The following ARHGAP20 variants were observed in gnomAD, a reference collection of about 807,000 sequenced individuals.
ARHGAP20 encodes the protein rho GTPase-activating protein 20.
In ARHGAP20, 34 loss-of-function variants were observed where a neutral mutation model predicts 73.7. The ratio of observed to expected loss-of-function variants is 0.46; its 90% CI spans 0.35 to 0.61. ARHGAP20 has a LOEUF of 0.61. Among genes scored for constraint, ARHGAP20 ranks in the 20% least tolerant of loss-of-function variants. The pLI is 0.00. For missense variants in ARHGAP20, 1,314 were observed against 1,420.9 expected (o/e 0.92, Z 1.21); for synonymous variants, 523 against 518.2 (o/e 1.01, Z -0.13).
At chr11:110,682,087 G>T (rs1048477283) in intron 2 of ARHGAP20, among the ~76,000 whole-genome samples, 14 of 152,128 alleles carry the variant, frequency 9.2e-5, no homozygotes, top group Non-Finnish European at 1.5e-4. Flanking sequence ...CCTGCTTTAG[G>T]TCAGACCTAG....
intron 2 of ARHGAP20, among the ~76,000 whole-genome samples, chr11:110,669,207 T>C (rs1491002141): frequency 2.0e-5 from 3 of 152,196 alleles, no homozygotes; most frequent in Non-Finnish European, 2.9e-5. Flanking sequence ...TCACATGCCA[T>C]ATGCCCAGCA....
chr11:110,634,854 G>A (rs1455705823), intron 2 of ARHGAP20, among the ~76,000 whole-genome samples: 1 of 152,080 alleles, frequency 6.6e-6, no homozygotes, highest in East Asian at 1.9e-4. Context: ...GTGTAGTTAA[G>A]CATATTTGAG....
chr11:110,579,724 G>T lies in ARHGAP20; in HGVS notation c.3222C>A (p.Pro1074=). The T allele has an allele frequency of 6.2e-6, 10 of 1,614,164 alleles. No individual in the cohort carries two copies. Among genetic ancestry groups the T allele is most frequent in the Non-Finnish European group, 8.5e-6 (10 of 1,180,024 alleles). The change falls in exon 15 of 15, where the codon CCC becomes CCA. Residue 1074 remains proline, a synonymous_variant. Transcript: ENST00000683387. ...IASPKGPLEP[P]PHASGVPEAN... is the part of the protein sequence containing the mutation. ...CTTCTGGAACACCAGAAGCATGTGG[G>T]GGTGGCTCTAAGGGTCCTTTTGGAG... is the stretch of plus-strand genomic sequence containing the variant.
chr11:110,639,381 CT>C (rs113290611), intron 2 of ARHGAP20, among the ~76,000 whole-genome samples: 4,730 of 142,738 alleles, frequency 0.033, 72 homozygotes, highest in African/African-American at 0.054. Flanking sequence ...AGCTAGTGTG[CT>C]TTTTTTTTTT....
chr11:110,616,616 T>G (rs1204649953), intron 4 of ARHGAP20, among the ~76,000 whole-genome samples: 1 of 152,152 alleles, frequency 6.6e-6, no homozygotes, highest in Non-Finnish European at 1.5e-5. Context: ...TCACTAACTT[T>G]ATTGTTTAGC....
intron 2 of ARHGAP20, among the ~76,000 whole-genome samples, chr11:110,661,904 C>T (rs538977864): frequency 1.3e-5 from 2 of 151,312 alleles, no homozygotes; most frequent in South Asian, 4.2e-4. Flanking sequence ...GATATAAGCA[C>T]AAAGTTTTTT....
In ARHGAP20 at chr11:110,592,166, A is replaced by G; in HGVS notation, c.965-11T>C. The G allele has an allele frequency of 3.1e-6, 5 of 1,602,212 alleles. No homozygotes were observed. Among genetic ancestry groups the G allele is most frequent in the Non-Finnish European group, 4.3e-6 (5 of 1,172,352 alleles). On this transcript the variant is annotated splice_polypyrimidine_tract_variant and intron_variant, in intron 9 of 14. Coordinates refer to ENST00000683387, the MANE Select transcript of ARHGAP20 (RefSeq NM_001384657.1). ...TCTTATGACCTGAATCTAAGGAAGAAGTGAGCTTATTAGAAAAATGAGTTT... is the reference window on the plus strand; with the variant it reads ...TCTTATGACCTGAATCTAAGGAAGAGGTGAGCTTATTAGAAAAATGAGTTT...
intron 2 of ARHGAP20, among the ~76,000 whole-genome samples, chr11:110,657,258 T>G (rs949441082): frequency 6.6e-6 from 1 of 152,188 alleles, no homozygotes; most frequent in African/African-American, 2.4e-5. Context: ...TCTAAATTTC[T>G]GATTCTGAGA....
At chr11:110,649,007 T>C (rs940240458) in intron 2 of ARHGAP20, among the ~76,000 whole-genome samples, 4 of 152,110 alleles carry the variant, frequency 2.6e-5, no homozygotes, top group African/African-American at 9.7e-5. Context: ...AAGTGTTTCA[T>C]GCAAGCCTGT....
rs869156175 is a variant in ARHGAP20 at position 110,649,201 on chromosome 11, CTTTTTTTTTTTTT to C, written c.189-18422_189-18410del. Among the ~76,000 whole-genome samples the C allele has an allele frequency of 4.6e-5, 4 of 87,124 alleles. No individual in the cohort carries two copies. The South Asian group carries it at 1.1e-3, about 25-fold the overall frequency. 57.2% of individuals were successfully genotyped at this position (87,124 alleles called of 152,430 possible). A position where few individuals can be genotyped will look rare whatever the true frequency, so the allele number is the denominator to read the frequency against. On this transcript the variant is annotated intron_variant, in intron 2 of 14. Transcript: ENST00000683387. ...ATTGTTTGTTTTCCAATTATTAAACCTTTTTTTTTTTTTTTTTTTTTTTGGAGGGGGTCTTGCT... is the reference window on the plus strand; with the variant it reads ...ATTGTTTGTTTTCCAATTATTAAACCTTTTTTTTTTGGAGGGGGTCTTGCT...
intron 1 of ARHGAP20, among the ~76,000 whole-genome samples, chr11:110,694,715 A>T (rs1197890210): frequency 5.3e-5 from 8 of 151,556 alleles, no homozygotes; most frequent in Non-Finnish European, 8.9e-5. Flanking sequence ...CAGGGGCTAT[A>T]TCTTCTTCCC....
chr11:110,693,970 T>C (rs1950289889), intron 1 of ARHGAP20, among the ~76,000 whole-genome samples: 1 of 151,894 alleles, frequency 6.6e-6, no homozygotes, highest in Non-Finnish European at 1.5e-5. Context: ...TCATAAATAG[T>C]GGATACCACT....
At chr11:110,589,005 G>A (rs1947749521) in intron 11 of ARHGAP20, among the ~76,000 whole-genome samples, 1 of 152,014 alleles carries the variant, frequency 6.6e-6, no homozygotes, top group South Asian at 2.1e-4. Context: ...CCAGGAGGTG[G>A]AGCTTGCAGT....
chr11:110,637,242 T>C (rs1948987284), intron 2 of ARHGAP20, among the ~76,000 whole-genome samples: 1 of 152,048 alleles, frequency 6.6e-6, no homozygotes. Context: ...GAAAATAAAA[T>C]TCAGAATACT....
chr11:110,663,931 C>T (rs1949668218), intron 2 of ARHGAP20, among the ~76,000 whole-genome samples: 1 of 152,114 alleles, frequency 6.6e-6, no homozygotes, highest in African/African-American at 2.4e-5. Context: ...CCCAAGAATG[C>T]AGTCATTTTA....
At chr11:110,699,947 TAACTG>T (rs1048357728) in intron 1 of ARHGAP20, among the ~76,000 whole-genome samples, 4 of 152,014 alleles carry the variant, frequency 2.6e-5, no homozygotes, top group Non-Finnish European at 5.9e-5. Context: ...TGTAAATAGG[TAACTG>T]AAGAAAAAAA....
chr11:110,577,287 G>GACAT lies in ARHGAP20; in HGVS notation c.*2079_*2082dup, dbSNP rs1947310105. 7.2e-7 allele frequency: 1 copy of GACAT among 1,380,888 alleles called. No individual in the cohort carries two copies. The highest frequency in any genetic ancestry group is 1.5e-5 in the African/African-American group (1 of 67,948). 85.5% of individuals were successfully genotyped at this position (1,380,888 alleles called of 1,614,324 possible). A position where few individuals can be genotyped will look rare whatever the true frequency, so the allele number is the denominator to read the frequency against. ...ATAGATTGATGGAGTATAATAAAAT[G>GACAT]ACATATAGTCTGTCTTCAAATCATA... On this transcript the variant is annotated 3_prime_UTR_variant, in exon 15 of 15. Transcript: ENST00000683387.
At chr11:110,617,758 AC>A (rs1437689223) in intron 4 of ARHGAP20, among the ~76,000 whole-genome samples, 2 of 152,154 alleles carry the variant, frequency 1.3e-5, no homozygotes, top group Non-Finnish European at 2.9e-5. Flanking sequence ...AGGCATTTTT[AC>A]AGGACTAAAA....
intron 6 of ARHGAP20, among the ~76,000 whole-genome samples, chr11:110,611,734 T>C (rs1948371126): frequency 6.6e-6 from 1 of 152,192 alleles, no homozygotes; most frequent in Non-Finnish European, 1.5e-5. Flanking sequence ...TTTCCATAAT[T>C]GTATTTCCAT....
Sources: gnomAD v4.1 joint callset for allele counts (sites outside exome capture counted in the v4.1 genomes callset) on GRCh38, gnomAD v4.1.1 for gene constraint, MANE v1.5 for transcripts, NCBI Gene and HGNC (gene_info 2026-07-23, HGNC 2026-07-21) for gene names.